Variants in TNC observed in about 807,000 individuals in gnomAD.
TNC encodes the protein tenascin C, also known as tenascin.
A neutral mutation model predicts 202.4 loss-of-function variants in TNC; 109 were observed. That is an observed-to-expected ratio of 0.54 (90% confidence interval 0.46 to 0.63). TNC has a LOEUF of 0.63. Among genes scored for constraint, TNC ranks in the 30% least tolerant of loss-of-function variants. The probability of loss-of-function intolerance (pLI) is 0.00; values close to 1 mark genes in which losing one functional copy is unlikely to be tolerated. For missense variants in TNC, 2,756 were observed against 2,833.3 expected, an observed-to-expected ratio of 0.97 and a Z score of 0.62; for synonymous variants, 1,007 against 1,089.7, an observed-to-expected ratio of 0.92 and a Z score of 1.50.
chr9:115,087,315 G>A (rs751067579), intron 2 of TNC, 42 bp from the exon 3 acceptor site: 1 of 1,592,712 alleles, frequency 6.3e-7, no homozygotes. Flanking sequence ...GGCTTAAGCA[G>A]CCACATTTTT....
At chr9:115,036,386 C>CA in intron 20 of TNC, 145 bp from the exon 21 acceptor site, 6 of 884,136 alleles carry the variant, frequency 6.8e-6, no homozygotes, top group Non-Finnish European at 1.1e-5. Context: ...TGAAATGACT[C>CA]ACGCTCTCTT....
intron 10 of TNC, among the ~76,000 whole-genome samples, chr9:115,068,534 CT>C (rs1469789409): frequency 1.3e-5 from 2 of 152,192 alleles, no homozygotes; most frequent in Admixed American, 6.5e-5. Context: ...TCTTCAGTCG[CT>C]TTACTCTCAT....
chr9:115,101,609 T>C (rs979958638), intron 1 of TNC, among the ~76,000 whole-genome samples: 3 of 152,192 alleles, frequency 2.0e-5, no homozygotes, highest in Non-Finnish European at 2.9e-5. Context: ...CCCAAGCCAA[T>C]AGCAAGAGTA....
chr9:115,038,442 T>C (rs1830495063), intron 19 of TNC, 62 bp from the exon 20 acceptor site: 9 of 1,589,700 alleles, frequency 5.7e-6, no homozygotes, highest in Non-Finnish European at 7.7e-6. Context: ...CTCTAGCTGC[T>C]CTGCTGTCCA....
At chr9:115,023,886 G>A (rs924147080) in intron 27 of TNC, 87 bp downstream of exon 27, 1 of 1,437,836 alleles carries the variant, frequency 7.0e-7, no homozygotes, top group South Asian at 1.3e-5. Flanking sequence ...CCTAGTCTCT[G>A]CTAGGATAGG....
chr9:115,084,078 T>C, intron 4 of TNC, 131 bp downstream of exon 4: 1 of 1,004,966 alleles, frequency 1.0e-6, no homozygotes, highest in Admixed American at 2.4e-5. Flanking sequence ...TCTATGGACT[T>C]AATTCTAGGC....
chr9:115,022,194 G>T (rs141598363), intron 27 of TNC, among the ~76,000 whole-genome samples: 1 of 152,330 alleles, frequency 6.6e-6, no homozygotes, highest in East Asian at 1.9e-4. Flanking sequence ...TAATTGTTTG[G>T]CATTCACTGA....
At chr9:115,087,419 G>C in intron 2 of TNC, 146 bp from the exon 3 acceptor site, 1 of 764,920 alleles carries the variant, frequency 1.3e-6, no homozygotes, top group East Asian at 2.7e-5. Context: ...GTTGTAGTGT[G>C]TGAAATCAGA....
chr9:115,058,867 C>T (rs1358234745), intron 14 of TNC, among the ~76,000 whole-genome samples: 2 of 152,264 alleles, frequency 1.3e-5, no homozygotes, highest in East Asian at 1.9e-4. Context: ...GGCAGGCCCC[C>T]GGGAAACACT....
intron 1 of TNC, among the ~76,000 whole-genome samples, chr9:115,111,813 T>A (rs912518031): frequency 6.6e-6 from 1 of 152,060 alleles, no homozygotes; most frequent in Non-Finnish European, 1.5e-5. Flanking sequence ...TTGAAGGAAC[T>A]GAGGCCCTCA....
intron 23 of TNC, among the ~76,000 whole-genome samples, chr9:115,030,841 T>A (rs1404338469): frequency 6.6e-6 from 1 of 152,224 alleles, no homozygotes; most frequent in African/African-American, 2.4e-5. Context: ...CAGGAATGGA[T>A]GCCACTCTTA....
chr9:115,033,724 A>G (rs565818844), intron 22 of TNC, among the ~76,000 whole-genome samples: 2 of 152,334 alleles, frequency 1.3e-5, no homozygotes, highest in Admixed American at 6.5e-5. Flanking sequence ...CTTGCTTCTA[A>G]AACCCACTAA....
chr9:115,026,975 G>C (rs1042740166), intron 25 of TNC, among the ~76,000 whole-genome samples: 4 of 151,964 alleles, frequency 2.6e-5, no homozygotes, highest in South Asian at 2.1e-4. Context: ...TGGGTGTGGT[G>C]GTGGGTGCCT....
At position 115,086,044 on chromosome 9, in the gene TNC, A is replaced by T; in HGVS notation, c.1687T>A (p.Cys563Ser). 6.2e-7 allele frequency: 1 copy of T among 1,614,236 alleles called. No homozygotes were observed. The highest frequency in any genetic ancestry group is 8.5e-7 in the Non-Finnish European group (1 of 1,180,022). The change falls in exon 3 of 28, where the codon TGT (cysteine) becomes AGT (serine). Residue 563 changes from cysteine to serine, a missense_variant. By Grantham distance (112) the Cys-to-Ser change is moderately radical. Around this residue, in one of 2 missense-constraint regions of TNC, gnomAD observed 2,559 missense variants for 2,546.0 expected, o/e 1.01. Coordinates refer to ENST00000350763, the MANE Select transcript of TNC (RefSeq NM_002160.4). ...FMGKDCKEQR[C>S]PSDCHGQGRC... ...CCCTGGCCATGACAGTCACTGGGAC[A>T]TCTTTGCTCCTTGCAGTCTTTGCCC...
At chr9:115,046,303 G>T in intron 17 of TNC, 107 bp downstream of exon 17, 2 of 1,317,256 alleles carry the variant, frequency 1.5e-6, no homozygotes, top group Non-Finnish European at 1.1e-6. Flanking sequence ...GTCAGGATCA[G>T]AGCGCCAGCC....
intron 1 of TNC, among the ~76,000 whole-genome samples, chr9:115,099,349 CTTG>C (rs1836048678): frequency 6.6e-6 from 1 of 152,156 alleles, no homozygotes; most frequent in African/African-American, 2.4e-5. Context: ...TAAACAGATA[CTTG>C]TTGTGAAGAA....
chr9:115,053,238 T>A (rs1831845197), intron 15 of TNC, among the ~76,000 whole-genome samples: 1 of 152,224 alleles, frequency 6.6e-6, no homozygotes, highest in South Asian at 2.1e-4. Context: ...TTATTTTATT[T>A]TTTAGATCTG....
chr9:115,032,827 G>T (rs1830050702), intron 22 of TNC, among the ~76,000 whole-genome samples: 1 of 152,212 alleles, frequency 6.6e-6, no homozygotes, highest in Admixed American at 6.5e-5. Context: ...TCTCTGTGCT[G>T]CTGTACAGAG....
At chr9:115,025,683 A>G (rs1829423902) in intron 26 of TNC, among the ~76,000 whole-genome samples, 1 of 152,204 alleles carries the variant, frequency 6.6e-6, no homozygotes, top group Non-Finnish European at 1.5e-5. Context: ...CCTCCTCTGT[A>G]TAAAAACAAC....
Sources: allele counts gnomAD v4.1 joint callset (sites outside exome capture counted in the v4.1 genomes callset), GRCh38; gene constraint gnomAD v4.1.1; regional missense constraint gnomAD v4.1.1; transcripts MANE v1.5; gene names NCBI Gene and HGNC (gene_info 2026-07-23, HGNC 2026-07-21).